Variants in RELN observed in about 807,000 individuals in gnomAD.
RELN encodes the protein reelin.
Under a neutral mutation model 427.6 loss-of-function variants are expected in RELN, and 108 were observed. That is an observed-to-expected ratio of 0.25 (90% CI 0.22 to 0.30). The LOEUF (loss-of-function observed/expected upper bound fraction) is 0.30, where lower values mean the gene tolerates loss of function less well. Among genes scored for constraint, RELN ranks in the 10% least tolerant of loss-of-function variants. The pLI is 1.00. For synonymous variants in RELN, 1,524 were observed against 1,513.4 expected (o/e 1.01, Z -0.16); for missense variants, 3,715 against 4,302.8 (o/e 0.86, Z 3.82).
At chr7:103,956,622 GA>G (rs1419061979) in intron 1 of RELN, among the ~76,000 whole-genome samples, 1 of 152,182 alleles carries the variant, frequency 6.6e-6, no homozygotes, top group Non-Finnish European at 1.5e-5. Context: ...AAAAGGAGAA[GA>G]TGTAAAAGTG....
chr7:103,768,765 GA>G (rs1182994332), intron 4 of RELN, among the ~76,000 whole-genome samples: 8 of 152,180 alleles, frequency 5.3e-5, no homozygotes, highest in Admixed American at 5.2e-4. Context: ...AACAGAGACA[GA>G]GCATGTTAAG....
chr7:103,931,828 A>G (rs369456954), intron 1 of RELN, among the ~76,000 whole-genome samples: 2 of 152,268 alleles, frequency 1.3e-5, no homozygotes, highest in Middle Eastern at 3.4e-3. Flanking sequence ...TTTGTACACA[A>G]TTCTCTCAGA....
At chr7:103,846,284 A>G (rs1244663203) in intron 2 of RELN, among the ~76,000 whole-genome samples, 1 of 152,188 alleles carries the variant, frequency 6.6e-6, no homozygotes, top group Admixed American at 6.5e-5. Context: ...CCACACATCT[A>G]CAACCACCTG....
intron 4 of RELN, among the ~76,000 whole-genome samples, chr7:103,758,690 T>C (rs1474285536): frequency 3.3e-5 from 5 of 149,666 alleles, no homozygotes; most frequent in Non-Finnish European, 7.4e-5. Flanking sequence ...CAGCATAATA[T>C]AATCTTTTCA....
chr7:103,914,492 A>G (rs1006992609), intron 2 of RELN, among the ~76,000 whole-genome samples: 24 of 152,118 alleles, frequency 1.6e-4, no homozygotes, highest in Admixed American at 6.5e-5. Context: ...AAGTGTATAT[A>G]AGCCCTGGAC....
chr7:103,541,944 T>G (rs1323971431), intron 43 of RELN, among the ~76,000 whole-genome samples: 1 of 152,102 alleles, frequency 6.6e-6, no homozygotes, highest in East Asian at 1.9e-4. Flanking sequence ...AAAGAAGGGG[T>G]AAAAATGTTA....
chr7:103,937,112 T>A (rs1437666142), intron 1 of RELN, among the ~76,000 whole-genome samples: 1 of 152,216 alleles, frequency 6.6e-6, no homozygotes, highest in Non-Finnish European at 1.5e-5. Context: ...TAAATTTGCT[T>A]TTGTAAGTGA....
At chr7:103,860,019 A>G (rs1410293334) in intron 2 of RELN, among the ~76,000 whole-genome samples, 2 of 152,200 alleles carry the variant, frequency 1.3e-5, no homozygotes, top group Non-Finnish European at 2.9e-5. Flanking sequence ...TCTATCCTCT[A>G]AAGGCATGTA....
chr7:103,490,611 T>C (rs1199879863), intron 59 of RELN, 57 bp downstream of exon 59: 3 of 1,573,612 alleles, frequency 1.9e-6, no homozygotes, highest in Non-Finnish European at 2.6e-6. Context: ...GCTCACTGCA[T>C]GAACTCTGTA....
At chr7:103,970,146 C>CTT (rs564924083) in intron 1 of RELN, among the ~76,000 whole-genome samples, 1 of 142,656 alleles carries the variant, frequency 7.0e-6, no homozygotes, top group Admixed American at 7.1e-5. Flanking sequence ...TCTTTTTTTC[C>CTT]TTTTTTTTTT....
At chr7:103,528,110 G>C (rs1829864042) in intron 46 of RELN, among the ~76,000 whole-genome samples, 1 of 152,166 alleles carries the variant, frequency 6.6e-6, no homozygotes, top group Non-Finnish European at 1.5e-5. Context: ...ACTTGCACAG[G>C]AATGTCCACC....
At chr7:103,571,494 G>A (rs1269483783) in intron 31 of RELN, among the ~76,000 whole-genome samples, 1 of 152,136 alleles carries the variant, frequency 6.6e-6, no homozygotes, top group Non-Finnish European at 1.5e-5. Context: ...TGATGGTTAT[G>A]GCATACATTC....
chr7:103,730,437 G>A (rs1011872527), intron 6 of RELN, among the ~76,000 whole-genome samples: 1 of 151,816 alleles, frequency 6.6e-6, no homozygotes, highest in Admixed American at 6.6e-5. Flanking sequence ...GATGACAGAT[G>A]TTTGATGTCT....
At chr7:103,948,649 G>A (rs773356608) in intron 1 of RELN, among the ~76,000 whole-genome samples, 2 of 152,138 alleles carry the variant, frequency 1.3e-5, no homozygotes, top group Admixed American at 6.5e-5. Flanking sequence ...CTCTAGCCTG[G>A]CAACAGAGTG....
At position 103,757,816 on chromosome 7, in the gene RELN, C is replaced by T. The variant is rs538740498; in HGVS notation, c.545-4602G>A. ...GAAGATAGGCTGGAGTTGTTCTGTA[C>T]CCAGAGAGATCACTGTGGGGAACCT... On this transcript the variant is annotated intron_variant, in intron 4 of 64. Transcript: ENST00000428762. Among the ~76,000 whole-genome samples the T allele has an allele frequency of 1.8e-4, 28 of 152,140 alleles. No individual in the cohort carries two copies. The South Asian group carries it at 5.8e-3, about 32-fold the overall frequency.
intron 27 of RELN, among the ~76,000 whole-genome samples, chr7:103,592,367 G>A (rs1011127001): frequency 6.6e-6 from 1 of 152,064 alleles, no homozygotes; most frequent in Non-Finnish European, 1.5e-5. Context: ...AAGTCATGAT[G>A]TCATCCTTTT....
intron 6 of RELN, among the ~76,000 whole-genome samples, chr7:103,737,461 T>C (rs968565419): frequency 6.6e-5 from 10 of 152,240 alleles, no homozygotes; most frequent in African/African-American, 2.4e-4. Flanking sequence ...CTGTTTTTTA[T>C]TATTTATGGC....
rs1179886458 is a variant in RELN, at chr7:103,917,139, T to A, written c.273A>T (p.Gly91=). The A allele has an allele frequency of 1.2e-6, 2 of 1,613,544 alleles. No homozygotes were observed. The highest frequency in any genetic ancestry group is 1.7e-6 in the Non-Finnish European group (2 of 1,179,750). ...STFFDGLLVT[G]LYTSTSVQAS... ...CCTGAACACTTGTAGATGTGTATAGTCCTGTCACCAGCAAGCCGTCAAAAA... is the reference window on the plus strand; with the variant it reads ...CCTGAACACTTGTAGATGTGTATAGACCTGTCACCAGCAAGCCGTCAAAAA... Residue 91 remains glycine, a synonymous_variant, in exon 2 of 65, where the codon GGA becomes GGT. Coordinates refer to ENST00000428762, the MANE Select transcript of RELN (RefSeq NM_005045.4).
chr7:103,539,738 T>A (rs1447901268), intron 44 of RELN, among the ~76,000 whole-genome samples: 1 of 152,194 alleles, frequency 6.6e-6, no homozygotes, highest in Non-Finnish European at 1.5e-5. Context: ...GTTCTTTGAG[T>A]TCTATTTGAT....
Sources: gnomAD v4.1 joint callset for allele counts (sites outside exome capture counted in the v4.1 genomes callset) on GRCh38, gnomAD v4.1.1 for gene constraint, MANE v1.5 for transcripts, NCBI Gene and HGNC (gene_info 2026-07-23, HGNC 2026-07-21) for gene names.